Variants in EDAR observed in about 807,000 individuals in gnomAD.
EDAR encodes tumor necrosis factor receptor superfamily member EDAR.
In EDAR, 38 loss-of-function variants were observed where a neutral mutation model predicts 51.3. The ratio of observed to expected loss-of-function variants is 0.74; its 90% CI spans 0.57 to 0.97. The LOEUF is 0.97. Among genes scored for constraint, EDAR ranks in the 50% least tolerant of loss-of-function variants. EDAR has a pLI of 0.00. For missense variants in EDAR, 528 were observed against 595.0 expected, an observed-to-expected ratio of 0.89 and a Z score of 1.17; for synonymous variants, 227 against 242.1, an observed-to-expected ratio of 0.94 and a Z score of 0.58.
chr2:108,957,236 G>C (rs541115459), intron 1 of EDAR, among the ~76,000 whole-genome samples: 14 of 152,328 alleles, frequency 9.2e-5, no homozygotes, highest in Middle Eastern at 6.8e-3. Context: ...ATTTCTGGTG[G>C]GCTCCCAGGT....
At chr2:108,983,574 C>T (rs1169258680) in intron 1 of EDAR, among the ~76,000 whole-genome samples, 5 of 152,234 alleles carry the variant, frequency 3.3e-5, no homozygotes, top group Non-Finnish European at 7.3e-5. Flanking sequence ...TCCAGCTCCT[C>T]CCTCGTGATC....
intron 5 of EDAR, among the ~76,000 whole-genome samples, chr2:108,922,654 C>T (rs970706975): frequency 2.0e-5 from 3 of 152,150 alleles, no homozygotes; most frequent in South Asian, 2.1e-4. Context: ...CCAGGGTCAG[C>T]TCCTCCTCCA....
chr2:108,944,044 A>T (rs530579277), intron 1 of EDAR, among the ~76,000 whole-genome samples: 1 of 152,366 alleles, frequency 6.6e-6, no homozygotes, highest in Admixed American at 6.5e-5. Flanking sequence ...AGGAATGTAC[A>T]CAGGCAATTG....
chr2:108,982,759 C>T (rs1301921822), intron 1 of EDAR, among the ~76,000 whole-genome samples: 1 of 152,138 alleles, frequency 6.6e-6, no homozygotes, highest in Non-Finnish European at 1.5e-5. Context: ...AACCGAGTGT[C>T]CCGAGTCACC....
chr2:108,973,561 G>A (rs1234691352), intron 1 of EDAR, among the ~76,000 whole-genome samples: 1 of 152,208 alleles, frequency 6.6e-6, no homozygotes, highest in Non-Finnish European at 1.5e-5. Context: ...CAGCCTGTGA[G>A]TGTGGCTCCT....
intron 1 of EDAR, among the ~76,000 whole-genome samples, chr2:108,939,961 C>T (rs1252068759): frequency 1.3e-5 from 2 of 152,212 alleles, no homozygotes; most frequent in Admixed American, 1.3e-4. Flanking sequence ...GTCTCAGTGA[C>T]GCTGATTCTG....
At chr2:108,952,609 T>C (rs1400905895) in intron 1 of EDAR, among the ~76,000 whole-genome samples, 4 of 152,274 alleles carry the variant, frequency 2.6e-5, no homozygotes, top group Non-Finnish European at 5.9e-5. Flanking sequence ...ATCTGTTCAC[T>C]CATTAAATCC....
intron 1 of EDAR, among the ~76,000 whole-genome samples, chr2:108,933,685 T>C (rs1697413344): frequency 6.6e-6 from 1 of 152,124 alleles, no homozygotes. Context: ...GAGGCAAGAT[T>C]GAGGAGCCAG....
intron 5 of EDAR, among the ~76,000 whole-genome samples, chr2:108,914,088 G>T: frequency 6.6e-6 from 1 of 151,550 alleles, no homozygotes; most frequent in East Asian, 1.9e-4. Flanking sequence ...TGGTGAAACC[G>T]CATCTCTACT....
chr2:108,977,477 C>T (rs1019147943), intron 1 of EDAR, among the ~76,000 whole-genome samples: 4 of 152,054 alleles, frequency 2.6e-5, no homozygotes, highest in African/African-American at 7.2e-5. Context: ...TCACTGTGTT[C>T]GCCAGGATGG....
intron 1 of EDAR, among the ~76,000 whole-genome samples, chr2:108,964,182 C>T (rs260691): frequency 0.71 from 108,594 of 152,108 alleles, 44,348 homozygotes; most frequent in Non-Finnish European, 0.94. Context: ...TCCTGAAATG[C>T]TCTAATTAAA....
intron 1 of EDAR, among the ~76,000 whole-genome samples, chr2:108,954,446 A>G (rs1266861870): frequency 6.6e-6 from 1 of 152,160 alleles, no homozygotes; most frequent in Non-Finnish European, 1.5e-5. Context: ...GGTGGTCTCT[A>G]TCCCATTATG....
At chr2:108,915,068 A>C (rs1697002733) in intron 5 of EDAR, among the ~76,000 whole-genome samples, 1 of 152,132 alleles carries the variant, frequency 6.6e-6, no homozygotes, top group South Asian at 2.1e-4. Context: ...GTGTGCCACC[A>C]CACCTACTTT....
chr2:108,972,520 G>A (rs371639437), intron 1 of EDAR, among the ~76,000 whole-genome samples: 10 of 152,336 alleles, frequency 6.6e-5, no homozygotes, highest in East Asian at 5.8e-4. Flanking sequence ...AGGCTGCAAC[G>A]GGCCGAGGCA....
Position 108,906,379 on chromosome 2 carries a change from G to C in EDAR, c.964-11C>G. 7.4e-6 allele frequency: 12 copies of C among 1,614,128 alleles called. No homozygotes were observed. The highest frequency in any genetic ancestry group is 9.3e-6 in the Non-Finnish European group (11 of 1,179,988). On this transcript the variant is annotated splice_polypyrimidine_tract_variant and intron_variant, in intron 10 of 11. Coordinates refer to ENST00000258443, the MANE Select transcript of EDAR (RefSeq NM_022336.4). Reference sequence around the variant, plus strand: ...CCTCCGGCTTTGAATCTGTGAAAAAGAGTCGAGAATTTTCATCTCCAGAAA... The same window carrying C: ...CCTCCGGCTTTGAATCTGTGAAAAACAGTCGAGAATTTTCATCTCCAGAAA...
At position 108,910,539 on chromosome 2, in the gene EDAR, G is replaced by T. The variant is rs2105400230; in HGVS notation, c.731-7C>A. 1 of 1,611,216 alleles carries T rather than the reference G, an allele frequency of 6.2e-7. No homozygotes were observed. Among genetic ancestry groups the T allele is most frequent in the East Asian group, 2.2e-5 (1 of 44,860 alleles). On this transcript the variant is annotated splice_region_variant and splice_polypyrimidine_tract_variant and intron_variant, in intron 8 of 11. Transcript: ENST00000258443. ...GAGAACATCACCACGTTGTCTGCAG[G>T]GAAATGGGGAGGTTGGGGAGATAGG... is the stretch of plus-strand genomic sequence containing the variant.
intron 1 of EDAR, among the ~76,000 whole-genome samples, chr2:108,954,494 C>A (rs1226889727): frequency 1.3e-5 from 2 of 152,088 alleles, no homozygotes; most frequent in African/African-American, 4.8e-5. Context: ...GAAAAGGCTC[C>A]CCACCCACTC....
chr2:108,904,035 AT>A (rs1696755633), intron 11 of EDAR, among the ~76,000 whole-genome samples: 1 of 152,176 alleles, frequency 6.6e-6, no homozygotes, highest in African/African-American at 2.4e-5. Flanking sequence ...AAACTATAGA[AT>A]GGAGAAAACA....
At chr2:108,933,256 T>TG (rs1697405174) in intron 1 of EDAR, among the ~76,000 whole-genome samples, 1 of 152,032 alleles carries the variant, frequency 6.6e-6, no homozygotes, top group Non-Finnish European at 1.5e-5. Context: ...TGAAATCGGG[T>TG]GGGGGTGACC....
Sources: allele counts gnomAD v4.1 joint callset (sites outside exome capture counted in the v4.1 genomes callset), GRCh38; gene constraint gnomAD v4.1.1; transcripts MANE v1.5; gene names NCBI Gene and HGNC (gene_info 2026-07-23, HGNC 2026-07-21).